The following CFAP276 variants were observed in gnomAD, a reference collection of about 807,000 sequenced individuals.
CFAP276 encodes the protein cilia and flagella associated protein 276, also known as cilia- and flagella-associated protein 276.
chr1:109,107,361 A>G, the CFAP276 span, among the ~76,000 whole-genome samples: 2 of 152,196 alleles, frequency 1.3e-5, no homozygotes, highest in African/African-American at 4.8e-5. Flanking sequence ...ATTGTTCCTG[A>G]TGTGGGCTTA....
At chr1:109,106,023 C>T in the CFAP276 span, 7 of 1,610,022 alleles carry the variant, frequency 4.3e-6, no homozygotes, top group Non-Finnish European at 5.9e-6. Flanking sequence ...AGGGATCTGT[C>T]AACACTAGGT....
chr1:109,109,306 G>A, the CFAP276 span, among the ~76,000 whole-genome samples: 1 of 151,566 alleles, frequency 6.6e-6, no homozygotes, highest in African/African-American at 2.4e-5. Context: ...AAATTAGCTG[G>A]GGGTAGTGGT....
chr1:109,107,815 C>G, the CFAP276 span: 16 of 888,094 alleles, frequency 1.8e-5, no homozygotes, highest in African/African-American at 2.7e-4. Context: ...GAGGTTCAGG[C>G]TACGGTAAAC....
chr1:109,108,835 T>C, the CFAP276 span, among the ~76,000 whole-genome samples: 1 of 151,396 alleles, frequency 6.6e-6, no homozygotes, highest in African/African-American at 2.4e-5. Flanking sequence ...TAACTGGGAG[T>C]GAGGAGGGCC....
the CFAP276 span, chr1:109,106,152 C>G: frequency 6.8e-7 from 1 of 1,480,374 alleles, no homozygotes. Context: ...TTGGCCTTTT[C>G]TAGGAAACTT....
the CFAP276 span, among the ~76,000 whole-genome samples, chr1:109,108,533 T>C: frequency 3.3e-5 from 5 of 152,176 alleles, no homozygotes; most frequent in Non-Finnish European, 7.3e-5. Context: ...CTATGTTTTC[T>C]TAATGAGAAC....
the CFAP276 span, among the ~76,000 whole-genome samples, chr1:109,110,861 G>A: frequency 6.6e-6 from 1 of 152,084 alleles, no homozygotes; most frequent in Non-Finnish European, 1.5e-5. Context: ...TGCTTCCCCA[G>A]GATGCCCCAT....
the CFAP276 span, chr1:109,106,777 T>C: frequency 1.6e-6 from 2 of 1,250,534 alleles, no homozygotes; most frequent in East Asian, 4.7e-5. Flanking sequence ...TTTTTACCTC[T>C]GTGGGATTAA....
chr1:109,113,416 AAGAGAGAGAGAGAGAGAG>A, the CFAP276 span, among the ~76,000 whole-genome samples: 660 of 68,092 alleles, frequency 9.7e-3, 14 homozygotes, highest in East Asian at 0.024. Context: ...GAGAGAGAGA[AAGAGAGAGAGAGAGAGAG>A]AGAGAGAGAG....
At chr1:109,111,045 T>C in the CFAP276 span, among the ~76,000 whole-genome samples, 1 of 152,188 alleles carries the variant, frequency 6.6e-6, no homozygotes, top group Non-Finnish European at 1.5e-5. Context: ...GATCTGTTAC[T>C]CTTCCTCCTG....
chr1:109,106,502 C>G, the CFAP276 span: 1 of 1,608,426 alleles, frequency 6.2e-7, no homozygotes, highest in Non-Finnish European at 8.5e-7. Flanking sequence ...TCCCCCACTG[C>G]CCCATCTGCT....
chr1:109,113,639 C>A, the CFAP276 span: 1 of 1,614,014 alleles, frequency 6.2e-7, no homozygotes, highest in Non-Finnish European at 8.5e-7. Flanking sequence ...GTACTGGGGC[C>A]TCTTCCAGGC....
chr1:109,113,006 G>A, the CFAP276 span, among the ~76,000 whole-genome samples: 5 of 152,178 alleles, frequency 3.3e-5, no homozygotes, highest in Non-Finnish European at 7.3e-5. Context: ...TTCAGTTGAG[G>A]AAAGAAGTCC....
At chr1:109,106,592 T>C in the CFAP276 span, 1 of 1,614,080 alleles carries the variant, frequency 6.2e-7, no homozygotes, top group Non-Finnish European at 8.5e-7. Flanking sequence ...CAGTGTCTGA[T>C]GTTAGCCAGG....
the CFAP276 span, among the ~76,000 whole-genome samples, chr1:109,112,376 TG>T: frequency 1.3e-5 from 2 of 152,244 alleles, no homozygotes; most frequent in Non-Finnish European, 2.9e-5. Flanking sequence ...CAGAGCCCCT[TG>T]TTCCTCTAGA....
the CFAP276 span, among the ~76,000 whole-genome samples, chr1:109,108,570 A>C: frequency 4.6e-5 from 7 of 152,176 alleles, no homozygotes; most frequent in Admixed American, 6.5e-5. Flanking sequence ...GGAATATAGG[A>C]GAAGGTGTGG....
the CFAP276 span, among the ~76,000 whole-genome samples, chr1:109,107,300 T>C: frequency 2.0e-5 from 3 of 152,234 alleles, no homozygotes; most frequent in Non-Finnish European, 4.4e-5. Flanking sequence ...TATGGAATTA[T>C]CTTTGGGTTA....
At chr1:109,113,798 T>C in the CFAP276 span, 450,915 of 1,122,886 alleles carry the variant, frequency 0.4, 95,175 homozygotes, top group African/African-American at 0.69. Context: ...ATGCTTCCAC[T>C]GTGTTCTTCA....
chr1:109,112,538 C>T, the CFAP276 span: 1 of 1,543,608 alleles, frequency 6.5e-7, no homozygotes, highest in Non-Finnish European at 8.7e-7. Flanking sequence ...CTGCTCATCA[C>T]ACAGACAGAA....
Sources: allele counts gnomAD v4.1 joint callset (sites outside exome capture counted in the v4.1 genomes callset), GRCh38; gene constraint gnomAD v4.1.1; transcripts MANE v1.5; gene names NCBI Gene and HGNC (gene_info 2026-07-23, HGNC 2026-07-21).